ZBTB26: variants seen among roughly 807,000 people sequenced by gnomAD.
ZBTB26 encodes zinc finger and BTB domain-containing protein 26.
ZBTB26 carries 12 observed loss-of-function variants against 31.6 expected under a neutral mutation model. The observed-to-expected ratio is 0.38, with a 90% confidence interval of 0.24 to 0.61. The LOEUF (loss-of-function observed/expected upper bound fraction) is 0.61. Among genes scored for constraint, ZBTB26 ranks in the 20% least tolerant of loss-of-function variants. The pLI is 0.60. For synonymous variants in ZBTB26, 155 were observed against 182.9 expected (o/e 0.85, Z 1.23); for missense variants, 311 against 521.9 (o/e 0.60, Z 3.94).
intron 1 of ZBTB26, among the ~76,000 whole-genome samples, chr9:122,927,528 C>T (rs962835770): frequency 3.9e-5 from 6 of 152,190 alleles, no homozygotes; most frequent in Non-Finnish European, 5.9e-5. Flanking sequence ...CTCAAAACTA[C>T]TTGGAAATCT....
intron 1 of ZBTB26, among the ~76,000 whole-genome samples, chr9:122,924,948 T>C (rs923033104): frequency 3.3e-5 from 5 of 152,186 alleles, no homozygotes; most frequent in African/African-American, 1.2e-4. Flanking sequence ...GAACCTGTTT[T>C]AAACACTTAA....
Position 122,918,427 on chromosome 9 carries a change from A to C in ZBTB26, c.*182T>G. 1.3e-6 allele frequency: 1 copy of C among 770,434 alleles called. No individual in the cohort carries two copies. Among genetic ancestry groups the C allele is most frequent in the South Asian group, 2.2e-5 (1 of 46,360 alleles). The allele number at this position is 770,434 out of a possible 1,614,324, so 47.7% of individuals were successfully genotyped here. ...AATAACTCAAAACAGAAAATGGGAG[A>C]GGGCAAAAGTAAGGCAAATCCACTC... On this transcript the variant is annotated 3_prime_UTR_variant, in exon 2 of 2. Coordinates refer to ENST00000373656, the MANE Select transcript of ZBTB26 (RefSeq NM_020924.4).
At chr9:122,927,936 G>C in intron 1 of ZBTB26, among the ~76,000 whole-genome samples, 1 of 151,822 alleles carries the variant, frequency 6.6e-6, no homozygotes, top group Non-Finnish European at 1.5e-5. Context: ...CCGAGTTCAA[G>C]CAATTCTCCT....
chr9:122,924,107 A>G (rs563068943), intron 1 of ZBTB26, among the ~76,000 whole-genome samples: 2 of 152,252 alleles, frequency 1.3e-5, no homozygotes, highest in Admixed American at 1.3e-4. Flanking sequence ...GCATTTCTCA[A>G]AACACATCAC....
Position 122,918,544 on chromosome 9 carries a change from C to T in ZBTB26, c.*65G>A, listed in dbSNP as rs970873144. The T allele has an allele frequency of 8.4e-6, 13 of 1,546,192 alleles. No homozygotes were observed. The South Asian group carries it at 1.4e-4, about 17-fold the overall frequency. ...GAGAAGTCAAACTAGCAAAATCACT[C>T]CTAAAAAGACTAAGACTATTGCCAC... On this transcript the variant is annotated 3_prime_UTR_variant, in exon 2 of 2. Transcript: ENST00000373656.
In ZBTB26 at chr9:122,918,496, C is replaced by T; in HGVS notation, c.*113G>A. 6.8e-7 allele frequency: 1 copy of T among 1,478,614 alleles called. No individual in the cohort carries two copies. The highest frequency in any genetic ancestry group is 9.0e-7 in the Non-Finnish European group (1 of 1,112,792). 91.6% of individuals were successfully genotyped at this position (1,478,614 alleles called of 1,614,324 possible). A position where few individuals can be genotyped will look rare whatever the true frequency, so the allele number is the denominator to read the frequency against. On this transcript the variant is annotated 3_prime_UTR_variant, in exon 2 of 2. Transcript: ENST00000373656. ...GTCTATTAGTGCTTTGACTCACTCC[C>T]TACCACCTACACAGAGGCTTTGGAG...
chr9:122,926,127 T>A (rs1333267379), intron 1 of ZBTB26, among the ~76,000 whole-genome samples: 1 of 152,014 alleles, frequency 6.6e-6, no homozygotes, highest in Non-Finnish European at 1.5e-5. Flanking sequence ...ACTCCTGACC[T>A]CAGGTAATCT....
At chr9:122,922,144 T>C (rs760849782) in intron 1 of ZBTB26, among the ~76,000 whole-genome samples, 3 of 151,934 alleles carry the variant, frequency 2.0e-5, no homozygotes, top group Non-Finnish European at 4.4e-5. Flanking sequence ...AGGCCAAGGC[T>C]GGAGAATCAC....
chr9:122,926,962 GAT>G (rs774248498), intron 1 of ZBTB26, among the ~76,000 whole-genome samples: 9 of 152,142 alleles, frequency 5.9e-5, no homozygotes, highest in Non-Finnish European at 1.2e-4. Context: ...AAATCACTCA[GAT>G]AATTCTAGGT....
rs1833273928 is a variant in ZBTB26, at chr9:122,931,067, G to T, written c.-11+370C>A. 3 of 152,388 alleles carry T rather than the reference G, an allele frequency of 2.0e-5. No individual in the cohort carries two copies. The South Asian group carries it at 6.2e-4, about 32-fold the overall frequency. The allele number at this position is 152,388 out of a possible 1,614,324, so 9.4% of individuals were successfully genotyped here. A position where few individuals can be genotyped will look rare whatever the true frequency, so the allele number is the denominator to read the frequency against. ...AAAAGGGTAACCTAGCACTCACAGT[G>T]GTTCTCAAAGACTGGCACTGAATGC... On this transcript the variant is annotated intron_variant, in intron 1 of 1. Transcript: ENST00000373656.
chr9:122,919,158 G>C lies in ZBTB26; in HGVS notation c.777C>G (p.Gly259=). Residue 259 remains glycine, a synonymous_variant, in exon 2 of 2, where the codon GGC becomes GGG. Coordinates refer to ENST00000373656, the MANE Select transcript of ZBTB26 (RefSeq NM_020924.4). The surrounding 1 kb of genome is among the most constrained non-coding windows in gnomAD (Gnocchi z 6.1). ...NIIMASKDVF[G]PNIRGVDKGL... Reference sequence around the variant, plus strand: ...CTTTGTCTACACCTCGAATATTAGGGCCAAAGACATCTTTTGAGGCCATGA... The same window carrying C: ...CTTTGTCTACACCTCGAATATTAGGCCCAAAGACATCTTTTGAGGCCATGA... The C allele has an allele frequency of 1.2e-6, 2 of 1,614,164 alleles. No homozygotes were observed. Among genetic ancestry groups the C allele is most frequent in the Non-Finnish European group, 1.7e-6 (2 of 1,180,020 alleles).
intron 1 of ZBTB26, among the ~76,000 whole-genome samples, chr9:122,928,559 C>T (rs1833219071): frequency 6.6e-6 from 1 of 152,132 alleles, no homozygotes; most frequent in African/African-American, 2.4e-5. Context: ...CTGGTCTGTT[C>T]TTTGAGGCTT....
At chr9:122,930,424 C>T (rs1833254150) in intron 1 of ZBTB26, among the ~76,000 whole-genome samples, 2 of 152,122 alleles carry the variant, frequency 1.3e-5, no homozygotes, top group Non-Finnish European at 2.9e-5. Flanking sequence ...GAATTTTTTG[C>T]CTCTCACTAG....
Position 122,918,955 on chromosome 9 carries a change from T to A in ZBTB26, c.980A>T (p.Gln327Leu). Reference sequence around the variant, plus strand: ...AAAGGTTTTCCCACAGATTTTACACTGGAAAGGTTTAATTCCGGCATGCAC... The same window carrying A: ...AAAGGTTTTCCCACAGATTTTACACAGGAAAGGTTTAATTCCGGCATGCAC... ...MRVHAGIKPF[Q>L]CKICGKTFSQ... Residue 327 changes from glutamine to leucine, a missense_variant, in exon 2 of 2, where the codon CAG becomes CTG. Transcript: ENST00000373656. 3.7e-6 allele frequency: 6 copies of A among 1,614,228 alleles called. No homozygotes were observed. The highest frequency in any genetic ancestry group is 5.1e-6 in the Non-Finnish European group (6 of 1,180,044).
rs372013805 is a variant in ZBTB26, at chr9:122,916,709, A to C, written c.*1900T>G. 6.6e-6 allele frequency: 1 copy of C among 152,224 alleles called. No individual in the cohort carries two copies. The highest frequency in any genetic ancestry group is 1.9e-4 in the East Asian group (1 of 5,204). The allele number at this position is 152,224 out of a possible 1,614,324, so 9.4% of individuals were successfully genotyped here. A position where few individuals can be genotyped will look rare whatever the true frequency, so the allele number is the denominator to read the frequency against. On this transcript the variant is annotated 3_prime_UTR_variant, in exon 2 of 2. Coordinates refer to ENST00000373656, the MANE Select transcript of ZBTB26 (RefSeq NM_020924.4). ...GACCATATAATGAGTGATGTTAGGC[A>C]TAAGGTACCTATTAGTCTTACCACT...
chr9:122,920,090 A>G, intron 1 of ZBTB26, 146 bp from the exon 2 acceptor site: 2 of 1,015,938 alleles, frequency 2.0e-6, no homozygotes, highest in Non-Finnish European at 2.8e-6. Flanking sequence ...GGAAGCCACT[A>G]TAACAGGTTT....
intron 1 of ZBTB26, among the ~76,000 whole-genome samples, chr9:122,921,236 G>A (rs3739836): frequency 0.083 from 12,627 of 152,144 alleles, 1,661 homozygotes; most frequent in East Asian, 0.61. Flanking sequence ...TCTCTCAAGG[G>A]AAAAGATAAA....
At chr9:122,928,302 A>AT (rs1325667814) in intron 1 of ZBTB26, among the ~76,000 whole-genome samples, 3 of 149,274 alleles carry the variant, frequency 2.0e-5, no homozygotes, top group South Asian at 4.3e-4. Context: ...TCTTCTTTTG[A>AT]TTTTTTTTCA....
intron 1 of ZBTB26, among the ~76,000 whole-genome samples, chr9:122,929,099 G>A (rs1184159849): frequency 6.6e-6 from 1 of 152,170 alleles, no homozygotes; most frequent in Non-Finnish European, 1.5e-5. Context: ...GCAAAGCAGG[G>A]AATATTGGAG....
Sources: allele counts gnomAD v4.1 joint callset (sites outside exome capture counted in the v4.1 genomes callset), GRCh38; gene constraint gnomAD v4.1.1; non-coding constraint Gnocchi (gnomAD v3.1); transcripts MANE v1.5; gene names NCBI Gene and HGNC (gene_info 2026-07-23, HGNC 2026-07-21).